SEMA5B: variants seen among roughly 807,000 people sequenced by gnomAD.
SEMA5B encodes the protein semaphorin-5B.
A neutral mutation model predicts 135.0 loss-of-function variants in SEMA5B; 66 were observed. The ratio of observed to expected loss-of-function variants is 0.49; its 90% CI spans 0.40 to 0.60. The LOEUF is 0.60. Among genes scored for constraint, SEMA5B ranks in the 20% least tolerant of loss-of-function variants. The pLI is 0.00. For missense variants in SEMA5B, 1,501 were observed against 1,566.3 expected (o/e 0.96, Z 0.70); for synonymous variants, 690 against 639.5 (o/e 1.08, Z -1.19).
intron 1 of SEMA5B, 109 bp from the exon 2 acceptor site, chr3:122,961,410 G>A (rs373793609): frequency 2.3e-5 from 23 of 1,002,382 alleles, no homozygotes; most frequent in African/African-American, 1.7e-4. Flanking sequence ...TTGCTGCTGT[G>A]TTTGTTTCTT....
At chr3:122,978,582 G>C (rs1303394498) in intron 1 of SEMA5B, among the ~76,000 whole-genome samples, 1 of 152,122 alleles carries the variant, frequency 6.6e-6, no homozygotes, top group Admixed American at 6.6e-5. Flanking sequence ...GGTCTGGGCA[G>C]AAAGAGACTC....
At chr3:123,016,953 G>T (rs1040480981) in intron 1 of SEMA5B, among the ~76,000 whole-genome samples, 4 of 147,060 alleles carry the variant, frequency 2.7e-5, no homozygotes, top group Non-Finnish European at 4.5e-5. Flanking sequence ...GTGCAGTGGC[G>T]CGATCTCGGC....
chr3:123,021,711 T>A (rs961866795), intron 1 of SEMA5B, among the ~76,000 whole-genome samples: 1 of 152,192 alleles, frequency 6.6e-6, no homozygotes, highest in African/African-American at 2.4e-5. Context: ...TTACATCAGC[T>A]CTGGCAGGGA....
Position 122,979,600 on chromosome 3 carries a change from G to T in SEMA5B, c.-38-18299C>A, listed in dbSNP as rs537965974. 3.4e-4 allele frequency among the ~76,000 whole-genome samples: 52 copies of T among 152,320 alleles called. No homozygotes were observed. The South Asian group carries it at 0.011, about 31-fold the overall frequency. ...CCCTATGGCAGCCTTAAGGGAGAGGGGGATTCACAATTGGGATGTCCCCCC... is the reference window on the plus strand; with the variant it reads ...CCCTATGGCAGCCTTAAGGGAGAGGTGGATTCACAATTGGGATGTCCCCCC... On this transcript the variant is annotated intron_variant, in intron 1 of 22. Coordinates refer to ENST00000357599, the MANE Select transcript of SEMA5B (RefSeq NM_001031702.4).
At chr3:122,969,834 T>C (rs1191898055) in intron 1 of SEMA5B, among the ~76,000 whole-genome samples, 1 of 152,190 alleles carries the variant, frequency 6.6e-6, no homozygotes, top group Non-Finnish European at 1.5e-5. Context: ...AAGAATCATC[T>C]CTATTTGGCT....
At chr3:122,982,994 G>A (rs534158552) in intron 1 of SEMA5B, among the ~76,000 whole-genome samples, 1 of 152,188 alleles carries the variant, frequency 6.6e-6, no homozygotes, top group Admixed American at 6.5e-5. Flanking sequence ...GAGGAAGAGC[G>A]TGCCTCTGAT....
intron 1 of SEMA5B, among the ~76,000 whole-genome samples, chr3:123,023,758 G>A (rs1942742137): frequency 6.6e-6 from 1 of 152,228 alleles, no homozygotes; most frequent in Non-Finnish European, 1.5e-5. Context: ...TTGAGGCAAT[G>A]CTGATAATTG....
chr3:122,920,180 G>A (rs541825908), intron 12 of SEMA5B, among the ~76,000 whole-genome samples: 79 of 152,296 alleles, frequency 5.2e-4, no homozygotes, highest in Non-Finnish European at 8.8e-4. Flanking sequence ...GATTCAAGTC[G>A]AAGTCCTCCT....
intron 2 of SEMA5B, among the ~76,000 whole-genome samples, chr3:122,953,299 C>T (rs1269960169): frequency 6.6e-6 from 1 of 152,140 alleles, no homozygotes; most frequent in Non-Finnish European, 1.5e-5. Context: ...GCTTCAGAGC[C>T]CCAGGCCTAG....
chr3:122,972,834 G>T (rs1047423861), intron 1 of SEMA5B, among the ~76,000 whole-genome samples: 1 of 152,200 alleles, frequency 6.6e-6, no homozygotes, highest in Non-Finnish European at 1.5e-5. Context: ...GAAGCCAGAG[G>T]CCCTGAGAGC....
At chr3:123,007,563 G>GACTAGTTCATTCATGGGTTA (rs1260999652) in intron 1 of SEMA5B, among the ~76,000 whole-genome samples, 1 of 152,122 alleles carries the variant, frequency 6.6e-6, no homozygotes, top group African/African-American at 2.4e-5. Flanking sequence ...CTTATGAATG[G>GACTAGTTCATTCATGGGTTA]ACTAGTTCAT....
At chr3:123,014,158 G>A (rs921534034) in intron 1 of SEMA5B, among the ~76,000 whole-genome samples, 17 of 152,220 alleles carry the variant, frequency 1.1e-4, no homozygotes, top group Non-Finnish European at 2.1e-4. Context: ...AAGCACTAGG[G>A]CGGCTGGGAG....
rs1050329510 is a variant in SEMA5B, at chr3:122,913,111, C to A, written c.2507-50G>T. 6.3e-6 allele frequency: 9 copies of A among 1,417,610 alleles called. No homozygotes were observed. The African/African-American group carries it at 1.2e-4, about 19-fold the overall frequency. The allele number at this position is 1,417,610 out of a possible 1,614,324, so 87.8% of individuals were successfully genotyped here. On this transcript the variant is annotated intron_variant, in intron 17 of 22. Coordinates refer to ENST00000357599, the MANE Select transcript of SEMA5B (RefSeq NM_001031702.4). Reference sequence around the variant, plus strand: ...ACTGGGCGCCCGGCCACCCCGACCCCGGCCTGGGCCTCCCCGGGGCTCCCG... The same window carrying A: ...ACTGGGCGCCCGGCCACCCCGACCCAGGCCTGGGCCTCCCCGGGGCTCCCG...
chr3:122,963,796 T>A (rs183436098), intron 1 of SEMA5B, among the ~76,000 whole-genome samples: 1 of 152,328 alleles, frequency 6.6e-6, no homozygotes, highest in East Asian at 1.9e-4. Context: ...TGAACCCTGT[T>A]TCTACTTCTC....
intron 4 of SEMA5B, among the ~76,000 whole-genome samples, chr3:122,942,544 C>T (rs1233365697): frequency 6.6e-6 from 1 of 152,198 alleles, no homozygotes; most frequent in Non-Finnish European, 1.5e-5. Flanking sequence ...TTAAGGAGAC[C>T]TGGCTGTAGT....
In SEMA5B at chr3:123,027,608, C is replaced by G. The variant is rs1217484840; in HGVS notation, c.-183G>C. The G allele has an allele frequency of 6.6e-6, 1 of 152,182 alleles. No homozygotes were observed. Among genetic ancestry groups the G allele is most frequent in the African/African-American group, 2.4e-5 (1 of 41,450 alleles). 9.4% of individuals were successfully genotyped at this position (152,182 alleles called of 1,614,324 possible). A position where few individuals can be genotyped will look rare whatever the true frequency, so the allele number is the denominator to read the frequency against. On this transcript the variant is annotated 5_prime_UTR_variant, in exon 1 of 23. Transcript: ENST00000357599. ...GAACGGCCTCCAGCTCTCAGCGCTCCGGTGCAGTCCCCACCCGGGCCCGCG... is the reference window on the plus strand; with the variant it reads ...GAACGGCCTCCAGCTCTCAGCGCTCGGGTGCAGTCCCCACCCGGGCCCGCG...
chr3:123,018,746 G>A (rs963982499), intron 1 of SEMA5B, among the ~76,000 whole-genome samples: 19 of 152,162 alleles, frequency 1.2e-4, no homozygotes, highest in African/African-American at 4.1e-4. Flanking sequence ...CTGATTTCCA[G>A]TAGAAGTCAG....
chr3:122,987,445 T>C (rs1941738033), intron 1 of SEMA5B, among the ~76,000 whole-genome samples: 1 of 152,214 alleles, frequency 6.6e-6, no homozygotes, highest in Admixed American at 6.5e-5. Flanking sequence ...TTTAGGGGTC[T>C]GCAAGAGGTC....
intron 1 of SEMA5B, chr3:122,976,025 C>T (rs761965565): frequency 7.2e-6 from 11 of 1,535,058 alleles, no homozygotes; most frequent in South Asian, 2.4e-5. Context: ...TCTGCTTGCC[C>T]GTCCCTGTAG....
Sources: gnomAD v4.1 joint callset for allele counts (sites outside exome capture counted in the v4.1 genomes callset) on GRCh38, gnomAD v4.1.1 for gene constraint, MANE v1.5 for transcripts, NCBI Gene and HGNC (gene_info 2026-07-23, HGNC 2026-07-21) for gene names.